The following INPP4B variants were observed in gnomAD, a reference collection of about 807,000 sequenced individuals.
INPP4B encodes the protein inositol polyphosphate 4-phosphatase type II.
INPP4B carries 55 observed loss-of-function variants against 122.5 expected under a neutral mutation model. The ratio of observed to expected loss-of-function variants is 0.45; its 90% CI spans 0.36 to 0.56. The LOEUF is 0.56. Among genes scored for constraint, INPP4B ranks in the 20% least tolerant of loss-of-function variants. The probability of loss-of-function intolerance (pLI) is 0.00; values close to 1 mark genes in which losing one functional copy is unlikely to be tolerated. For synonymous variants in INPP4B, 403 were observed against 388.7 expected, an observed-to-expected ratio of 1.04 and a Z score of -0.43; for missense variants, 1,000 against 1,097.7, an observed-to-expected ratio of 0.91 and a Z score of 1.26.
intron 11 of INPP4B, among the ~76,000 whole-genome samples, chr4:142,242,666 C>A (rs1860043546): frequency 6.6e-6 from 1 of 152,164 alleles, no homozygotes; most frequent in African/African-American, 2.4e-5. Context: ...ATCACAGGAA[C>A]CCCCCACTTT....
At chr4:142,062,172 C>T (rs190951377) in intron 25 of INPP4B, among the ~76,000 whole-genome samples, 1 of 152,134 alleles carries the variant, frequency 6.6e-6, no homozygotes, top group East Asian at 1.9e-4. Flanking sequence ...AGCATATCTC[C>T]TTGCAGTGGA....
At chr4:142,400,618 T>C (rs1351368121) in intron 7 of INPP4B, among the ~76,000 whole-genome samples, 1 of 152,174 alleles carries the variant, frequency 6.6e-6, no homozygotes, top group Non-Finnish European at 1.5e-5. Context: ...ACCAAAGCTA[T>C]GTTAAGGAAG....
chr4:142,415,348 G>C (rs1319798170), intron 5 of INPP4B, among the ~76,000 whole-genome samples: 5 of 152,124 alleles, frequency 3.3e-5, no homozygotes, highest in Admixed American at 2.0e-4. Flanking sequence ...ACTCAAGATG[G>C]CTGGACTCCG....
At chr4:142,226,158 C>T (rs775979176) in intron 12 of INPP4B, among the ~76,000 whole-genome samples, 43 of 152,182 alleles carry the variant, frequency 2.8e-4, no homozygotes, top group Non-Finnish European at 8.8e-5. Context: ...GCAAGACCTA[C>T]ATAACTTGTC....
At chr4:142,079,621 CTTCT>C (rs1341088339) in intron 25 of INPP4B, among the ~76,000 whole-genome samples, 1 of 152,110 alleles carries the variant, frequency 6.6e-6, no homozygotes, top group East Asian at 1.9e-4. Flanking sequence ...TCTAAGGTGA[CTTCT>C]TTATCTTAAA....
Position 142,504,261 on chromosome 4 carries a change from T to G in INPP4B, c.-190-41535A>C, listed in dbSNP as rs555835524. On this transcript the variant is annotated intron_variant, in intron 2 of 25. Coordinates refer to ENST00000262992, the MANE Select transcript of INPP4B (RefSeq NM_001101669.3). ...CAGTTCACAGAGGAAAAAAAGATGCTTAAATTTACCAAGAGGGAAATTCAA... is the reference window on the plus strand; with the variant it reads ...CAGTTCACAGAGGAAAAAAAGATGCGTAAATTTACCAAGAGGGAAATTCAA... 9.1e-4 allele frequency among the ~76,000 whole-genome samples: 139 copies of G among 152,126 alleles called. 2 individuals are homozygous for G. The highest frequency in any genetic ancestry group is 3.3e-3 in the African/African-American group (136 of 41,506).
At chr4:142,531,171 T>G (rs931442569) in intron 2 of INPP4B, among the ~76,000 whole-genome samples, 1 of 151,636 alleles carries the variant, frequency 6.6e-6, no homozygotes, top group South Asian at 2.1e-4. Flanking sequence ...GAAAATAAAG[T>G]CAATAGATAT....
At chr4:142,734,305 A>T (rs1050697953) in intron 1 of INPP4B, among the ~76,000 whole-genome samples, 1 of 152,166 alleles carries the variant, frequency 6.6e-6, no homozygotes, top group African/African-American at 2.4e-5. Context: ...AGCCTCCAGA[A>T]CTGTGATAAA....
intron 14 of INPP4B, among the ~76,000 whole-genome samples, chr4:142,200,022 G>A (rs1301024661): frequency 6.6e-6 from 1 of 151,908 alleles, no homozygotes; most frequent in African/African-American, 2.4e-5. Context: ...TGATATATCT[G>A]AATAGTAATT....
At chr4:142,077,962 A>AG (rs1487896402) in intron 25 of INPP4B, among the ~76,000 whole-genome samples, 2 of 151,058 alleles carry the variant, frequency 1.3e-5, no homozygotes, top group African/African-American at 4.9e-5. Context: ...TAACAACAAA[A>AG]AAAAAAGTTT....
At chr4:142,587,074 A>C (rs967594181) in intron 2 of INPP4B, among the ~76,000 whole-genome samples, 13 of 152,176 alleles carry the variant, frequency 8.5e-5, no homozygotes, top group Non-Finnish European at 1.6e-4. Context: ...ACTGTGAATA[A>C]GTTTATGGAT....
chr4:142,711,581 C>T (rs75298256), intron 2 of INPP4B, among the ~76,000 whole-genome samples: 4,402 of 152,202 alleles, frequency 0.029, 82 homozygotes, highest in Non-Finnish European at 0.041. Context: ...AGTTATCTCT[C>T]ACTAATACAG....
intron 9 of INPP4B, among the ~76,000 whole-genome samples, chr4:142,291,146 G>A (rs2636636): frequency 0.66 from 100,020 of 151,860 alleles, 33,829 homozygotes; most frequent in East Asian, 0.89. Context: ...GGAATTACCC[G>A]ATAAAGACCA....
intron 23 of INPP4B, among the ~76,000 whole-genome samples, chr4:142,089,872 A>G (rs1203282673): frequency 6.6e-6 from 1 of 152,186 alleles, no homozygotes; most frequent in Admixed American, 6.5e-5. Context: ...CCATGTCCAA[A>G]GTGACTGGGA....
At chr4:142,171,309 GT>G (rs1216379528) in intron 16 of INPP4B, among the ~76,000 whole-genome samples, 1 of 151,690 alleles carries the variant, frequency 6.6e-6, no homozygotes, top group Non-Finnish European at 1.5e-5. Context: ...ACTCCTTAAT[GT>G]CTTGAATATG....
At chr4:142,517,717 T>C (rs1405705376) in intron 2 of INPP4B, among the ~76,000 whole-genome samples, 1 of 152,256 alleles carries the variant, frequency 6.6e-6, no homozygotes, top group East Asian at 1.9e-4. Context: ...TCTATTTCCA[T>C]TGAAAGAGAT....
intron 2 of INPP4B, among the ~76,000 whole-genome samples, chr4:142,703,747 G>A (rs2150768109): frequency 6.6e-6 from 1 of 152,308 alleles, no homozygotes; most frequent in Non-Finnish European, 1.5e-5. Context: ...AGGGCAGAAT[G>A]CATTGGTACC....
intron 23 of INPP4B, chr4:142,095,982 A>G (rs1401418206): frequency 6.6e-6 from 1 of 152,216 alleles, no homozygotes; most frequent in Non-Finnish European, 1.5e-5. Context: ...TTCCCTGGTG[A>G]GATAATGGTA....
chr4:142,506,641 G>A (rs1824062818), intron 2 of INPP4B, among the ~76,000 whole-genome samples: 1 of 152,188 alleles, frequency 6.6e-6, no homozygotes, highest in Non-Finnish European at 1.5e-5. Context: ...GAGCGAAGTG[G>A]AGGAAGAGTG....
Sources: gnomAD v4.1 joint callset for allele counts (sites outside exome capture counted in the v4.1 genomes callset) on GRCh38, gnomAD v4.1.1 for gene constraint, MANE v1.5 for transcripts, NCBI Gene and HGNC (gene_info 2026-07-23, HGNC 2026-07-21) for gene names.